The following SASH1 variants were observed in gnomAD, a reference collection of about 807,000 sequenced individuals.
SASH1 encodes the protein SAM and SH3 domain containing 1, also known as SAM and SH3 domain-containing protein 1.
A neutral mutation model predicts 125.2 loss-of-function variants in SASH1; 44 were observed. That is an observed-to-expected ratio of 0.35 (90% confidence interval 0.28 to 0.45). SASH1 has a LOEUF of 0.45. SASH1 is among the 20% of genes least tolerant of loss of function. SASH1 has a pLI of 1.00. For synonymous variants in SASH1, 639 were observed against 649.1 expected (o/e 0.98, Z 0.24); for missense variants, 1,426 against 1,614.5 (o/e 0.88, Z 2.00).
At chr6:148,308,834 A>G (rs530971975) in intron 1 of SASH1, among the ~76,000 whole-genome samples, 1 of 150,930 alleles carries the variant, frequency 6.6e-6, no homozygotes, top group Admixed American at 6.6e-5. Flanking sequence ...CTGTAATCCC[A>G]GCACTTTGGG....
chr6:148,269,102 G>A (rs192343350), upstream of SASH1, among the ~76,000 whole-genome samples: 542 of 152,240 alleles, frequency 3.6e-3, 4 homozygotes, highest in Non-Finnish European at 5.4e-3. Context: ...TTAATAGTAT[G>A]AAATAACAAG....
rs1004223601 is a variant in SASH1, at chr6:148,544,581, A to G, written c.3111A>G (p.Pro1037=). The stretch of plus-strand genomic sequence containing the variant: ...CCACCAGCCCTAGCGACTGTCCCCC[A>G]GCACTGGCTCCCAGGCCTCTCTCAG... ...ASPTSPSDCP[P]ALAPRPLSGQ... is the part of the protein sequence containing the mutation. Residue 1037 remains proline, a synonymous_variant, in exon 18 of 20, where the codon CCA becomes CCG. Coordinates refer to ENST00000367467, the MANE Select transcript of SASH1 (RefSeq NM_015278.5). This position sits in a 1 kb window ranked among gnomAD's most constrained non-coding sequence, Gnocchi z 6.4. 12 of 1,613,286 alleles carry G rather than the reference A, an allele frequency of 7.4e-6. No homozygotes were observed. The highest frequency in any genetic ancestry group is 1.0e-5 in the Non-Finnish European group (12 of 1,179,910).
At chr6:148,326,199 T>C (rs1379852532) in intron 1 of SASH1, among the ~76,000 whole-genome samples, 1 of 148,188 alleles carries the variant, frequency 6.7e-6, no homozygotes, top group Non-Finnish European at 1.5e-5. Context: ...GGCTAATTTT[T>C]GTATTTTTAG....
At chr6:148,237,276 G>T in the SASH1 span, among the ~76,000 whole-genome samples, 2 of 152,014 alleles carry the variant, frequency 1.3e-5, no homozygotes, top group South Asian at 2.1e-4. Context: ...TGAGCTGTCA[G>T]CCTAGAGATA....
chr6:148,456,249 G>C (rs1311844129), intron 4 of SASH1, among the ~76,000 whole-genome samples: 2 of 152,240 alleles, frequency 1.3e-5, no homozygotes, highest in Admixed American at 1.3e-4. Flanking sequence ...TTCCCCCTAG[G>C]TTCTTGCACA....
the SASH1 span, among the ~76,000 whole-genome samples, chr6:148,198,173 C>A: frequency 5.5e-4 from 84 of 152,284 alleles, no homozygotes; most frequent in Middle Eastern, 3.4e-3. Flanking sequence ...GGCATTCTTC[C>A]CCTTCACTCA....
At position 148,443,143 on chromosome 6, in the gene SASH1, GA is replaced by G. The variant is rs3035290; in HGVS notation, c.386+2759del. On this transcript the variant is annotated intron_variant, in intron 4 of 19. Coordinates refer to ENST00000367467, the MANE Select transcript of SASH1 (RefSeq NM_015278.5). Reference sequence around the variant, plus strand: ...TGTTTTTCCAATCCAGCACTTTTTAGAAAAAAAAAAAAAAAAAAAAAAATGG... The same window carrying G: ...TGTTTTTCCAATCCAGCACTTTTTAGAAAAAAAAAAAAAAAAAAAAAATGG... Among the ~76,000 whole-genome samples, 277 of 129,398 alleles carry G rather than the reference GA, an allele frequency of 2.1e-3. 1 individual carries two copies. Among genetic ancestry groups the G allele is most frequent in the South Asian group, 3.6e-3 (13 of 3,572 alleles). The allele number at this position is 129,398 out of a possible 152,430, so 84.9% of individuals were successfully genotyped here.
intron 1 of SASH1, among the ~76,000 whole-genome samples, chr6:148,287,798 G>C (rs1779525280): frequency 6.6e-6 from 1 of 152,094 alleles, no homozygotes; most frequent in Non-Finnish European, 1.5e-5. Context: ...CTTTGATGAA[G>C]CTGTTAAATC....
chr6:148,485,928 T>A (rs1296415594), intron 7 of SASH1, among the ~76,000 whole-genome samples: 3 of 151,520 alleles, frequency 2.0e-5, no homozygotes, highest in African/African-American at 4.8e-5. Context: ...GCACACTGCT[T>A]TGTAATAGGG....
intron 8 of SASH1, among the ~76,000 whole-genome samples, chr6:148,506,073 T>G (rs1424839933): frequency 6.6e-6 from 1 of 150,600 alleles, no homozygotes; most frequent in African/African-American, 2.4e-5. Flanking sequence ...CCGGCCTGGT[T>G]GTTGGGTTTT....
At chr6:148,247,770 T>C in the SASH1 span, among the ~76,000 whole-genome samples, 1 of 152,234 alleles carries the variant, frequency 6.6e-6, no homozygotes, top group Non-Finnish European at 1.5e-5. Flanking sequence ...ATTTATTTCA[T>C]AGAAACTAAA....
intron 2 of SASH1, among the ~76,000 whole-genome samples, chr6:148,438,470 A>G (rs73788551): frequency 0.026 from 3,920 of 152,246 alleles, 167 homozygotes; most frequent in African/African-American, 0.088. Flanking sequence ...TGGTGTATCA[A>G]GTTTGGTACA....
intron 1 of SASH1, among the ~76,000 whole-genome samples, chr6:148,312,055 G>A (rs6920583): frequency 0.27 from 41,182 of 152,042 alleles, 5,754 homozygotes; most frequent in South Asian, 0.35. Context: ...GCTGCATACT[G>A]TATGATTCCA....
chr6:148,476,783 T>G (rs1187712245), intron 7 of SASH1, among the ~76,000 whole-genome samples: 3 of 152,056 alleles, frequency 2.0e-5, no homozygotes, highest in African/African-American at 7.2e-5. Context: ...AGAACAAAAC[T>G]GGGGGAATAA....
At chr6:148,476,198 T>C (rs1455941716) in intron 7 of SASH1, among the ~76,000 whole-genome samples, 1 of 110,988 alleles carries the variant, frequency 9.0e-6, no homozygotes, top group Non-Finnish European at 1.8e-5. Context: ...ATAAAATACC[T>C]AAGAATAAAC....
chr6:148,502,045 T>A (rs1008470515), intron 8 of SASH1, among the ~76,000 whole-genome samples: 5 of 152,214 alleles, frequency 3.3e-5, no homozygotes, highest in African/African-American at 1.2e-4. Flanking sequence ...AAAGGAATGG[T>A]AATATTACCT....
intron 1 of SASH1, chr6:148,283,258 C>G (rs1043955543): frequency 1.3e-5 from 2 of 152,336 alleles, no homozygotes; most frequent in Non-Finnish European, 2.9e-5. Flanking sequence ...CTCCTCCTCT[C>G]CCCCACCTCC....
In SASH1 at chr6:148,494,191, A is replaced by G. The variant is rs556330188; in HGVS notation, c.729+6476A>G. Reference sequence around the variant, plus strand: ...ATGTTTGCTGTGAAAGATCTTTCCAAATGAAAGGTCATTTGATGGCAATCT... The same window carrying G: ...ATGTTTGCTGTGAAAGATCTTTCCAGATGAAAGGTCATTTGATGGCAATCT... On this transcript the variant is annotated intron_variant, in intron 8 of 19. Coordinates refer to ENST00000367467, the MANE Select transcript of SASH1 (RefSeq NM_015278.5). Among the ~76,000 whole-genome samples, 24 of 152,292 alleles carry G rather than the reference A, an allele frequency of 1.6e-4. No individual in the cohort carries two copies. In the South Asian group the frequency reaches 4.8e-3, roughly 30 times the overall value.
At chr6:148,517,226 A>G (rs1043056671) in intron 9 of SASH1, among the ~76,000 whole-genome samples, 3 of 152,348 alleles carry the variant, frequency 2.0e-5, no homozygotes, top group Admixed American at 6.5e-5. Context: ...ATGAGGAAAC[A>G]GAGGCTCAGA....
Sources: gnomAD v4.1 joint callset for allele counts (sites outside exome capture counted in the v4.1 genomes callset) on GRCh38, gnomAD v4.1.1 for gene constraint, Gnocchi (gnomAD v3.1) non-coding constraint, MANE v1.5 for transcripts, NCBI Gene and HGNC (gene_info 2026-07-23, HGNC 2026-07-21) for gene names.